Variants in ATXN10 observed in about 807,000 individuals in gnomAD.
ATXN10 encodes ataxin 10, also known as ataxin-10.
ATXN10 carries 28 observed loss-of-function variants against 52.9 expected under a neutral mutation model. The observed-to-expected ratio is 0.53, with a 90% CI of 0.39 to 0.73. The LOEUF (loss-of-function observed/expected upper bound fraction) is 0.73, where lower values mean the gene tolerates loss of function less well. Ranked by LOEUF, ATXN10 falls within the 30% of genes least tolerant of loss-of-function variation. The probability of loss-of-function intolerance (pLI) is 0.00; values close to 1 mark genes in which losing one functional copy is unlikely to be tolerated. For synonymous variants in ATXN10, 226 were observed against 221.5 expected (o/e 1.02, Z -0.18); for missense variants, 565 against 577.0 (o/e 0.98, Z 0.21).
At chr22:45,761,664 T>A (rs1926395730) in intron 9 of ATXN10, among the ~76,000 whole-genome samples, 1 of 152,238 alleles carries the variant, frequency 6.6e-6, no homozygotes, top group African/African-American at 2.4e-5. Context: ...TTTATTTATC[T>A]ATTTTTTTAT....
intron 9 of ATXN10, 135 bp from the exon 10 acceptor site, chr22:45,806,824 A>T: frequency 1.4e-6 from 1 of 722,522 alleles, no homozygotes; most frequent in Non-Finnish European, 2.5e-6. Flanking sequence ...TTCTGGGTTG[A>T]TATAGATATT....
rs534401663 is a variant in ATXN10, at chr22:45,835,464, T to C, written c.1238-7527T>C. 6.6e-6 allele frequency among the ~76,000 whole-genome samples: 1 copy of C among 152,298 alleles called. No homozygotes were observed. The highest frequency in any genetic ancestry group is 6.5e-5 in the Admixed American group (1 of 15,284). ...CCTGTGAAGTCAGGAACATCTCCCC[T>C]CTCCCTTTGCAATTTATGGAAAGTA... On this transcript the variant is annotated intron_variant, in intron 10 of 11. Transcript: ENST00000252934. The surrounding 1 kb of genome is among the most constrained non-coding windows in gnomAD (Gnocchi z 5.0).
rs372845758 is a variant in ATXN10 at position 45,815,150 on chromosome 22, C to T, written c.1237+8128C>T. Among the ~76,000 whole-genome samples the T allele has an allele frequency of 2.0e-4, 31 of 152,250 alleles. No homozygotes were observed. In the East Asian group the frequency reaches 3.3e-3, roughly 16 times the overall value. On this transcript the variant is annotated intron_variant, in intron 10 of 11. Transcript: ENST00000252934. ...TGTGTTCATGTCATGGAATACCATA[C>T]GGCAGTAAAGAGGAGTGAACTGCTA...
At position 45,843,810 on chromosome 22, in the gene ATXN10, T is replaced by A. The variant is rs1929426710; in HGVS notation, c.*139T>A. The A allele has an allele frequency of 1.3e-6, 1 of 778,464 alleles. No individual in the cohort carries two copies. The highest frequency in any genetic ancestry group is 2.7e-5 in the East Asian group (1 of 37,420). The allele number at this position is 778,464 out of a possible 1,614,324, so 48.2% of individuals were successfully genotyped here. A position where few individuals can be genotyped will look rare whatever the true frequency, so the allele number is the denominator to read the frequency against. On this transcript the variant is annotated 3_prime_UTR_variant, in exon 12 of 12. Coordinates refer to ENST00000252934, the MANE Select transcript of ATXN10 (RefSeq NM_013236.4). The surrounding 1 kb of genome is among the most constrained non-coding windows in gnomAD (Gnocchi z 4.5). ...TACAAATCTTTTAGGTAGTAGAGTTTAACGTGTATAAGCTAAAAGTGAAAG... is the reference window on the plus strand; with the variant it reads ...TACAAATCTTTTAGGTAGTAGAGTTAAACGTGTATAAGCTAAAAGTGAAAG...
intron 7 of ATXN10, among the ~76,000 whole-genome samples, chr22:45,735,071 G>A (rs1032151028): frequency 1.3e-5 from 2 of 151,864 alleles, no homozygotes; most frequent in South Asian, 2.1e-4. Context: ...TAGAGATGGG[G>A]TTTCGCCTTG....
chr22:45,735,864 GT>G (rs1925276820), intron 7 of ATXN10, among the ~76,000 whole-genome samples: 1 of 81,588 alleles, frequency 1.2e-5, no homozygotes, highest in African/African-American at 4.3e-5. Context: ...ATTAATATTA[GT>G]TTCATAAGAC....
chr22:45,822,072 T>C (rs191040071), intron 10 of ATXN10, among the ~76,000 whole-genome samples: 310 of 152,338 alleles, frequency 2.0e-3, no homozygotes, highest in Middle Eastern at 3.4e-3. Flanking sequence ...GAAGTTCATA[T>C]AAACGGAATC....
chr22:45,714,972 C>T lies in ATXN10; in HGVS notation c.648-3441C>T, dbSNP rs374644310. 9.2e-5 allele frequency among the ~76,000 whole-genome samples: 14 copies of T among 152,264 alleles called. No individual in the cohort carries two copies. In the South Asian group the frequency reaches 1.9e-3, roughly 20 times the overall value. On this transcript the variant is annotated intron_variant, in intron 5 of 11. Transcript: ENST00000252934. ...CTGAGACCTGTCTTCCCTTCTCCTC[C>T]GTCCTTGCCCTAGTCCCTATACCCT...
intron 9 of ATXN10, among the ~76,000 whole-genome samples, chr22:45,755,658 A>G (rs903420580): frequency 3.3e-5 from 5 of 152,184 alleles, no homozygotes; most frequent in Non-Finnish European, 7.4e-5. Flanking sequence ...TCTTCTATAG[A>G]TTGGAAAAAT....
rs900378241 is a variant in ATXN10, at chr22:45,757,433, C to T, written c.1173+16895C>T. Among the ~76,000 whole-genome samples, 2 of 152,102 alleles carry T rather than the reference C, an allele frequency of 1.3e-5. No homozygotes were observed. Among genetic ancestry groups the T allele is most frequent in the Non-Finnish European group, 2.9e-5 (2 of 68,006 alleles). On this transcript the variant is annotated intron_variant, in intron 9 of 11. Transcript: ENST00000252934. The surrounding 1 kb of genome is among the most constrained non-coding windows in gnomAD (Gnocchi z 4.6). ...AATGCCTGAGGCTCCGAGGTGGGAG[C>T]CCAGGCTGGGATTCAGGATTTCGCT...
rs916832107 is a variant in ATXN10 at position 45,715,373 on chromosome 22, A to G, written c.648-3040A>G. Among the ~76,000 whole-genome samples the G allele has an allele frequency of 2.0e-5, 3 of 152,270 alleles. No individual in the cohort carries two copies. The highest frequency in any genetic ancestry group is 2.9e-5 in the Non-Finnish European group (2 of 68,050). The stretch of plus-strand genomic sequence containing the variant: ...CAGCCATGGGCAGGACTCATAGACA[A>G]ATATCAGTATAGACTGATGTTTTAT... On this transcript the variant is annotated intron_variant, in intron 5 of 11. Transcript: ENST00000252934. The surrounding 1 kb of genome is among the most constrained non-coding windows in gnomAD (Gnocchi z 4.4).
Position 45,843,157 on chromosome 22 carries a change from T to C in ATXN10, c.1404T>C (p.Ser468=). 6.2e-7 allele frequency: 1 copy of C among 1,613,972 alleles called. No homozygotes were observed. Among genetic ancestry groups the C allele is most frequent in the Non-Finnish European group, 8.5e-7 (1 of 1,179,876 alleles). The change falls in exon 11 of 12, where the codon TCT becomes TCC. Residue 468 remains serine (S), a synonymous_variant. Transcript: ENST00000252934. The surrounding 1 kb of genome is among the most constrained non-coding windows in gnomAD (Gnocchi z 4.5). ...EKKGEKLILK[S]TRDTPKP ...AAGGCGAAAAGCTGATCCTGAAATC[T>C]ACTAGAGACACCCCTAAGCCAGTAA...
At chr22:45,760,255 G>A (rs1926335944) in intron 9 of ATXN10, among the ~76,000 whole-genome samples, 1 of 152,126 alleles carries the variant, frequency 6.6e-6, no homozygotes. Context: ...TTTCCTGCGG[G>A]CCAGATGCAT....
At chr22:45,693,109 A>T (rs184465200) in intron 3 of ATXN10, 31 bp downstream of exon 3, 1 of 1,572,220 alleles carries the variant, frequency 6.4e-7, no homozygotes, top group Non-Finnish European at 8.8e-7. Context: ...TGGATTATTT[A>T]TATCTTTATA....
Position 45,825,556 on chromosome 22 carries a change from C to T in ATXN10, c.1238-17435C>T, listed in dbSNP as rs1601670703. Among the ~76,000 whole-genome samples, 1 of 151,020 alleles carries T rather than the reference C, an allele frequency of 6.6e-6. No individual in the cohort carries two copies. Among genetic ancestry groups the T allele is most frequent in the East Asian group, 1.9e-4 (1 of 5,188 alleles). On this transcript the variant is annotated intron_variant, in intron 10 of 11. Transcript: ENST00000252934. The surrounding 1 kb of genome is among the most constrained non-coding windows in gnomAD (Gnocchi z 4.5). The stretch of plus-strand genomic sequence containing the variant: ...AATGAACAGTAACAAAAGTAGCAAA[C>T]ACTTTGTCTTAGAATCTGAATTCTA...
intron 10 of ATXN10, among the ~76,000 whole-genome samples, chr22:45,808,199 A>G (rs546564510): frequency 3.3e-5 from 5 of 152,198 alleles, no homozygotes; most frequent in Non-Finnish European, 7.4e-5. Context: ...GAGTGTTGAC[A>G]TTTTTTTAGC....
intron 7 of ATXN10, among the ~76,000 whole-genome samples, chr22:45,735,168 C>T (rs1386939258): frequency 1.3e-5 from 2 of 152,032 alleles, no homozygotes; most frequent in South Asian, 2.1e-4. Flanking sequence ...CATGGGCCAC[C>T]GTGCCCGGCC....
chr22:45,672,310 C>G (rs1269851426), intron 1 of ATXN10, 131 bp downstream of exon 1: 2 of 1,038,804 alleles, frequency 1.9e-6, no homozygotes, highest in Non-Finnish European at 2.4e-6. Flanking sequence ...GCGCGGGCTG[C>G]CTGAGCGCCA....
intron 4 of ATXN10, 73 bp from the exon 5 acceptor site, chr22:45,702,616 T>C: frequency 1.4e-6 from 2 of 1,411,740 alleles, no homozygotes; most frequent in Non-Finnish European, 2.0e-6. Flanking sequence ...AATTTGACAA[T>C]GGTATTACTG....
Sources: allele counts gnomAD v4.1 joint callset (sites outside exome capture counted in the v4.1 genomes callset), GRCh38; gene constraint gnomAD v4.1.1; non-coding constraint Gnocchi (gnomAD v3.1); transcripts MANE v1.5; gene names NCBI Gene and HGNC (gene_info 2026-07-23, HGNC 2026-07-21).